TRAPPC9: variants seen among roughly 807,000 people sequenced by gnomAD.
The protein encoded by TRAPPC9 is IKK2 binding protein.
TRAPPC9 carries 83 observed loss-of-function variants against 124.0 expected under a neutral mutation model. The observed-to-expected ratio is 0.67, with a 90% CI of 0.56 to 0.80. TRAPPC9 has a LOEUF of 0.80. Ranked by LOEUF, TRAPPC9 falls within the 30% of genes least tolerant of loss-of-function variation. The pLI is 0.00. For missense variants in TRAPPC9, 1,302 were observed against 1,508.3 expected (o/e 0.86, Z 2.27); for synonymous variants, 638 against 617.5 (o/e 1.03, Z -0.49).
rs537696254 is a variant in TRAPPC9 at position 140,362,547 on chromosome 8, TA to T, written c.1352-2355del. On this transcript the variant is annotated intron_variant, in intron 8 of 22. Transcript: ENST00000438773. Reference sequence around the variant, plus strand: ...ACTTAAAAAAAAATAAAAATAAAAATAAAAAAAACACTACTTTATATCTTAG... The same window carrying T: ...ACTTAAAAAAAAATAAAAATAAAAATAAAAAAACACTACTTTATATCTTAG... Among the ~76,000 whole-genome samples, 38 of 151,706 alleles carry T rather than the reference TA, an allele frequency of 2.5e-4. No individual in the cohort carries two copies. In the East Asian group the frequency reaches 2.5e-3, roughly 10 times the overall value.
At chr8:139,777,139 C>T (rs914792812) in intron 21 of TRAPPC9, among the ~76,000 whole-genome samples, 37 of 152,196 alleles carry the variant, frequency 2.4e-4, no homozygotes, top group African/African-American at 6.0e-4. Context: ...TTTTCTCTAC[C>T]GCATGGTCAA....
chr8:140,165,686 T>C lies in TRAPPC9; in HGVS notation c.2556+55773A>G, dbSNP rs2061825477. ...AGGGAAGGGAAGAACTACCATTATC[T>C]TCATTTGACTGATGAGGAAGCTGAA... On this transcript the variant is annotated intron_variant, in intron 17 of 22. Transcript: ENST00000438773. Among the ~76,000 whole-genome samples, 4 of 151,896 alleles carry C rather than the reference T, an allele frequency of 2.6e-5. No homozygotes were observed. The South Asian group carries it at 8.3e-4, about 32-fold the overall frequency.
At chr8:140,145,533 AATT>A (rs2061449724) in intron 17 of TRAPPC9, among the ~76,000 whole-genome samples, 1 of 152,094 alleles carries the variant, frequency 6.6e-6, no homozygotes, top group Non-Finnish European at 1.5e-5. Context: ...TAACAATTTA[AATT>A]ATTTTTTCCT....
chr8:139,950,109 GT>G (rs1421782016), intron 19 of TRAPPC9, among the ~76,000 whole-genome samples: 3 of 152,140 alleles, frequency 2.0e-5, no homozygotes, highest in Non-Finnish European at 4.4e-5. Flanking sequence ...GAGGCGAGTG[GT>G]AAGTCCAGCT....
intron 17 of TRAPPC9, among the ~76,000 whole-genome samples, chr8:140,150,934 CG>C (rs1176366909): frequency 1.3e-5 from 2 of 152,258 alleles, no homozygotes; most frequent in African/African-American, 4.8e-5. Flanking sequence ...CTGTAGGGAA[CG>C]CTATCCTGAA....
intron 19 of TRAPPC9, among the ~76,000 whole-genome samples, chr8:139,918,634 CCCGACATCGGGAGCTTCTCCCT>C (rs376238768): frequency 3.9e-5 from 6 of 152,264 alleles, no homozygotes; most frequent in African/African-American, 1.4e-4. Context: ...CGTGGAAGTG[CCCGACATCGGGAGCTTCTCCCT>C]CCATCCCAGC....
At chr8:139,906,723 G>A (rs903035172) in intron 20 of TRAPPC9, among the ~76,000 whole-genome samples, 1 of 152,092 alleles carries the variant, frequency 6.6e-6, no homozygotes, top group Admixed American at 6.6e-5. Context: ...TGGTCCCTCG[G>A]CACTTTTTTC....
At chr8:140,338,044 G>A (rs932433231) in intron 9 of TRAPPC9, among the ~76,000 whole-genome samples, 1 of 152,154 alleles carries the variant, frequency 6.6e-6, no homozygotes, top group Admixed American at 6.5e-5. Context: ...CAAGGAATAT[G>A]CCATTTCTTC....
intron 5 of TRAPPC9, among the ~76,000 whole-genome samples, chr8:140,407,930 T>G (rs1360262941): frequency 6.6e-6 from 1 of 152,186 alleles, no homozygotes; most frequent in Admixed American, 6.5e-5. Context: ...CTGATAAACT[T>G]AATTTCAACA....
At chr8:139,796,132 A>AG (rs1428608680) in intron 21 of TRAPPC9, among the ~76,000 whole-genome samples, 3 of 149,820 alleles carry the variant, frequency 2.0e-5, no homozygotes, top group African/African-American at 7.4e-5. Flanking sequence ...GAGGAAGAGG[A>AG]GAAGGAGGAG....
At chr8:140,299,509 G>A (rs901411291) in intron 11 of TRAPPC9, among the ~76,000 whole-genome samples, 1 of 152,242 alleles carries the variant, frequency 6.6e-6, no homozygotes, top group Non-Finnish European at 1.5e-5. Flanking sequence ...ACAGAGCGCC[G>A]CGGTTGCGCA....
Position 140,450,898 on chromosome 8 carries a change from A to G in TRAPPC9, c.476T>C (p.Leu159Pro). The stretch of plus-strand genomic sequence containing the variant: ...GGCTCTGTCCAGACGCTTGGACTCC[A>G]GCACGATGAACAGTGACTCGATGAA... ...EDFIESLFIV[L>P]ESKRLDRATD... is the part of the protein sequence containing the mutation. Residue 159 changes from leucine to proline, a missense_variant, in exon 2 of 23, where the codon CTG becomes CCG. Around this residue, in one of 3 missense-constraint regions of TRAPPC9, gnomAD observed 657 missense variants for 811.2 expected, o/e 0.81. Transcript: ENST00000438773. The G allele has an allele frequency of 6.2e-7, 1 of 1,614,112 alleles. No homozygotes were observed. The highest frequency in any genetic ancestry group is 8.5e-7 in the Non-Finnish European group (1 of 1,180,014).
intron 21 of TRAPPC9, among the ~76,000 whole-genome samples, chr8:139,735,350 C>G (rs994334526): frequency 2.0e-4 from 31 of 152,170 alleles, no homozygotes; most frequent in Non-Finnish European, 1.5e-5. Flanking sequence ...GTCTTGAGGC[C>G]CAGTGCTGTT....
intron 7 of TRAPPC9, among the ~76,000 whole-genome samples, chr8:140,382,276 T>C (rs894517020): frequency 1.3e-5 from 2 of 152,168 alleles, no homozygotes; most frequent in Non-Finnish European, 2.9e-5. Flanking sequence ...TCACTGGGGC[T>C]TGTTGGACAG....
chr8:139,886,414 T>C (rs1303796273), intron 20 of TRAPPC9, among the ~76,000 whole-genome samples: 1 of 152,220 alleles, frequency 6.6e-6, no homozygotes, highest in Admixed American at 6.5e-5. Context: ...TAATTACACA[T>C]ATTATTACGA....
intron 7 of TRAPPC9, among the ~76,000 whole-genome samples, chr8:140,382,104 A>G (rs1165026925): frequency 6.6e-6 from 1 of 152,234 alleles, no homozygotes; most frequent in African/African-American, 2.4e-5. Flanking sequence ...GGATAAATAA[A>G]ACATGGTATC....
intron 21 of TRAPPC9, among the ~76,000 whole-genome samples, chr8:139,751,348 A>G (rs1477498892): frequency 1.3e-5 from 2 of 152,280 alleles, no homozygotes; most frequent in East Asian, 3.9e-4. Flanking sequence ...GACCCCCGCC[A>G]TGGCATATAA....
At chr8:140,415,471 C>G (rs2069887439) in intron 5 of TRAPPC9, among the ~76,000 whole-genome samples, 2 of 150,922 alleles carry the variant, frequency 1.3e-5, no homozygotes, top group Admixed American at 1.3e-4. Flanking sequence ...AGGAGAATAG[C>G]TTGAACCCAG....
At chr8:139,778,030 T>TG (rs1353081175) in intron 21 of TRAPPC9, among the ~76,000 whole-genome samples, 1 of 151,418 alleles carries the variant, frequency 6.6e-6, no homozygotes, top group African/African-American at 2.4e-5. Flanking sequence ...TAGAGATCGG[T>TG]GGGGGGTTCC....
Sources: gnomAD v4.1 joint callset for allele counts (sites outside exome capture counted in the v4.1 genomes callset) on GRCh38, gnomAD v4.1.1 for gene constraint, gnomAD v4.1.1 regional missense constraint, MANE v1.5 for transcripts, NCBI Gene and HGNC (gene_info 2026-07-23, HGNC 2026-07-21) for gene names.